MICAL2: variants seen among roughly 807,000 people sequenced by gnomAD.
The protein encoded by MICAL2 is microtubule associated monooxygenase, calponin and LIM domain containing 2, also known as [F-actin]-monooxygenase MICAL2.
Under a neutral mutation model 127.3 loss-of-function variants are expected in MICAL2, and 77 were observed. The observed-to-expected ratio is 0.60, with a 90% confidence interval of 0.50 to 0.73. MICAL2 has a LOEUF of 0.73. MICAL2 is among the 30% of genes least tolerant of loss of function. The pLI is 0.00. For missense variants in MICAL2, 1,351 were observed against 1,434.4 expected, an observed-to-expected ratio of 0.94 and a Z score of 0.94; for synonymous variants, 570 against 551.1, an observed-to-expected ratio of 1.03 and a Z score of -0.48.
At chr11:12,209,699 C>A in intron 6 of MICAL2, 101 bp downstream of exon 6, 1 of 1,061,344 alleles carries the variant, frequency 9.4e-7, no homozygotes, top group African/African-American at 1.6e-5. Flanking sequence ...GATGCCAGAG[C>A]TGGATGGAGG....
chr11:12,161,814 G>T, intron 2 of MICAL2: 1 of 325,936 alleles, frequency 3.1e-6, no homozygotes, highest in Non-Finnish European at 5.7e-6. Context: ...GCATTAGCCA[G>T]GGCATAGCCC....
chr11:12,143,802 C>A (rs969369644), intron 2 of MICAL2, among the ~76,000 whole-genome samples: 4 of 152,056 alleles, frequency 2.6e-5, no homozygotes, highest in African/African-American at 9.7e-5. Context: ...TAAAGACCAA[C>A]AAAAAATATA....
intron 3 of MICAL2, among the ~76,000 whole-genome samples, chr11:12,184,183 G>A (rs185932909): frequency 8.5e-5 from 13 of 152,318 alleles, no homozygotes; most frequent in Non-Finnish European, 1.2e-4. Flanking sequence ...TGTGAGGCCT[G>A]GATAAAATAA....
chr11:12,254,451 C>T (rs1319004314), intron 22 of MICAL2: 2 of 152,400 alleles, frequency 1.3e-5, no homozygotes, highest in African/African-American at 4.8e-5. Context: ...CCTCCGGGGA[C>T]AAGGGGTCTC....
chr11:12,169,265 A>AAGTT (rs1721249473), intron 3 of MICAL2, among the ~76,000 whole-genome samples: 1 of 152,116 alleles, frequency 6.6e-6, no homozygotes, highest in South Asian at 2.1e-4. Flanking sequence ...AACTTTTTTC[A>AAGTT]CTGAAAAATA....
chr11:12,281,099 G>T (rs1467592055), exon 2 of MICAL2: 1 of 398,838 alleles, frequency 2.5e-6, no homozygotes, highest in African/African-American at 2.1e-5. Context: ...AGCTGTGCAC[G>T]GTAAGCAGAG....
At chr11:12,257,184 G>A (rs909952983) in intron 24 of MICAL2, 2 of 521,810 alleles carry the variant, frequency 3.8e-6, no homozygotes, top group Non-Finnish European at 6.6e-6. Context: ...TCAGCACTGT[G>A]GTACGGCATA....
downstream of MICAL2, among the ~76,000 whole-genome samples, chr11:12,359,333 G>GC (rs1939175938): frequency 2.1e-5 from 1 of 48,110 alleles, no homozygotes; most frequent in South Asian, 9.0e-4. Context: ...GTTGATGATG[G>GC]CAAAAAAAAA....
chr11:12,261,279 GA>G (rs1863080081), intron 26 of MICAL2: 1 of 985,550 alleles, frequency 1.0e-6, no homozygotes. Context: ...ACTGCCCTGG[GA>G]AAGGAATGGG....
chr11:12,120,956 C>A (rs1850459174), intron 1 of MICAL2, among the ~76,000 whole-genome samples: 1 of 152,190 alleles, frequency 6.6e-6, no homozygotes, highest in Non-Finnish European at 1.5e-5. Context: ...GGGTGGGGGG[C>A]AGTAAGGCTG....
chr11:12,202,053 C>G (rs1367599611), intron 3 of MICAL2, among the ~76,000 whole-genome samples: 1 of 151,992 alleles, frequency 6.6e-6, no homozygotes, highest in South Asian at 2.1e-4. Context: ...ACCCAGGAGA[C>G]AGAGGTTGCG....
At chr11:12,341,137 G>T (rs1938857545) in intron 32 of MICAL2, among the ~76,000 whole-genome samples, 1 of 152,168 alleles carries the variant, frequency 6.6e-6, no homozygotes, top group Admixed American at 6.5e-5. Context: ...GCTGACCAGA[G>T]ACCAGAGAAC....
chr11:12,342,591 G>A (rs534068139), intron 32 of MICAL2, among the ~76,000 whole-genome samples: 3 of 152,222 alleles, frequency 2.0e-5, no homozygotes, highest in Non-Finnish European at 4.4e-5. Context: ...GTATGGTATA[G>A]TTTACTATAG....
At chr11:12,198,726 T>C (rs1031112275) in intron 3 of MICAL2, among the ~76,000 whole-genome samples, 2 of 152,174 alleles carry the variant, frequency 1.3e-5, no homozygotes, top group Non-Finnish European at 2.9e-5. Context: ...ACCTCCCCCA[T>C]GCCCAGCTTG....
At chr11:12,329,964 G>A (rs1864397641) in intron 32 of MICAL2, among the ~76,000 whole-genome samples, 1 of 151,724 alleles carries the variant, frequency 6.6e-6, no homozygotes, top group Admixed American at 6.6e-5. Flanking sequence ...AAGCCAGACA[G>A]AAGATGGATT....
chr11:12,359,781 C>T (rs1052905846), downstream of MICAL2, among the ~76,000 whole-genome samples: 4 of 152,144 alleles, frequency 2.6e-5, no homozygotes, highest in Admixed American at 1.3e-4. Context: ...AGTCTATTAT[C>T]GATAAGAGAA....
At chr11:12,191,662 GA>G (rs1372656517) in intron 3 of MICAL2, among the ~76,000 whole-genome samples, 2 of 152,082 alleles carry the variant, frequency 1.3e-5, no homozygotes, top group African/African-American at 4.8e-5. Context: ...AGCTACTCGG[GA>G]AGCTGAGATG....
rs561986085 is a variant in MICAL2, at chr11:12,223,510, C to T, written c.1540+9C>T. On this transcript the variant is annotated intron_variant, in intron 12 of 27. Coordinates refer to ENST00000683283, the MANE Select transcript of MICAL2 (RefSeq NM_001282663.2). The stretch of plus-strand genomic sequence containing the variant: ...CAACCTCTCCAGGAAGGGTAAGCGG[C>T]CCTCCTGGGACCCTGGTGGGTGGCT... The T allele has an allele frequency of 3.7e-6, 6 of 1,612,346 alleles. No homozygotes were observed. The African/African-American group carries it at 4.0e-5, about 11-fold the overall frequency.
chr11:12,331,662 T>A (rs960209942), intron 32 of MICAL2, among the ~76,000 whole-genome samples: 1 of 152,196 alleles, frequency 6.6e-6, no homozygotes, highest in African/African-American at 2.4e-5. Context: ...ACTCCTGAGT[T>A]TGAATCCCAA....
Sources: allele counts gnomAD v4.1 joint callset (sites outside exome capture counted in the v4.1 genomes callset), GRCh38; gene constraint gnomAD v4.1.1; transcripts MANE v1.5; gene names NCBI Gene and HGNC (gene_info 2026-07-23, HGNC 2026-07-21).